Variants in ALDH1A2 observed in about 807,000 individuals in gnomAD.
ALDH1A2 encodes the protein retinal dehydrogenase 2.
ALDH1A2 carries 27 observed loss-of-function variants against 60.3 expected under a neutral mutation model. The observed-to-expected ratio is 0.45, with a 90% CI of 0.33 to 0.62. The LOEUF (loss-of-function observed/expected upper bound fraction) is 0.62. Ranked by LOEUF, ALDH1A2 falls within the 20% of genes least tolerant of loss-of-function variation. The pLI is 0.02. For synonymous variants in ALDH1A2, 289 were observed against 232.4 expected (o/e 1.24, Z -2.21); for missense variants, 581 against 643.8 (o/e 0.90, Z 1.06).
At chr15:58,061,815 C>T (rs1897047013) in intron 1 of ALDH1A2, among the ~76,000 whole-genome samples, 1 of 152,052 alleles carries the variant, frequency 6.6e-6, no homozygotes, top group South Asian at 2.1e-4. Flanking sequence ...GCTAGGCAGA[C>T]CATTAGGCCC....
chr15:58,023,567 T>G (rs1025808445), intron 1 of ALDH1A2, among the ~76,000 whole-genome samples: 1 of 147,816 alleles, frequency 6.8e-6, no homozygotes, highest in Non-Finnish European at 1.5e-5. Flanking sequence ...TCTAGTCACC[T>G]ATAAAGGAAA....
rs77950535 is a variant in ALDH1A2, at chr15:58,046,377, T to C, written c.117+19157A>G. On this transcript the variant is annotated intron_variant, in intron 1 of 12. Transcript: ENST00000249750. ...GACAGGTGTAGAGTTGCTTAATTTATTCATGCTTGATGGTTGAATGTTACA... is the reference window on the plus strand; with the variant it reads ...GACAGGTGTAGAGTTGCTTAATTTACTCATGCTTGATGGTTGAATGTTACA... Among the ~76,000 whole-genome samples the C allele has an allele frequency of 6.1e-3, 924 of 152,168 alleles. 11 individuals carry two copies. Among genetic ancestry groups the C allele is most frequent in the African/African-American group, 0.021 (879 of 41,560 alleles).
intron 1 of ALDH1A2, among the ~76,000 whole-genome samples, chr15:58,064,713 T>C (rs184537180): frequency 2.2e-4 from 33 of 152,330 alleles, no homozygotes; most frequent in Admixed American, 1.9e-3. Flanking sequence ...ACAATACCCC[T>C]ACGTTTGTAA....
At chr15:58,041,910 G>T (rs80017359) in intron 1 of ALDH1A2, among the ~76,000 whole-genome samples, 2 of 151,864 alleles carry the variant, frequency 1.3e-5, no homozygotes, top group African/African-American at 2.4e-5. Flanking sequence ...GTAATGAAGT[G>T]AACTCCAACA....
At chr15:57,987,236 A>G (rs1194690108) in intron 7 of ALDH1A2, among the ~76,000 whole-genome samples, 1 of 152,128 alleles carries the variant, frequency 6.6e-6, no homozygotes, top group African/African-American at 2.4e-5. Context: ...AGAAGGCGGA[A>G]GTAGAAAGCA....
At chr15:58,044,148 G>A (rs1896584864) in intron 1 of ALDH1A2, among the ~76,000 whole-genome samples, 1 of 151,916 alleles carries the variant, frequency 6.6e-6, no homozygotes, top group Non-Finnish European at 1.5e-5. Flanking sequence ...CTATCATGAT[G>A]CTTCTTTTTT....
At chr15:58,036,663 G>C (rs545556781) in intron 1 of ALDH1A2, 2 of 151,554 alleles carry the variant, frequency 1.3e-5, no homozygotes, top group South Asian at 2.1e-4. Context: ...GCATGAAATT[G>C]TAAGTACGAC....
rs555348734 is a variant in ALDH1A2 at position 58,062,508 on chromosome 15, A to G, written c.117+3026T>C. Among the ~76,000 whole-genome samples, 3 of 152,350 alleles carry G rather than the reference A, an allele frequency of 2.0e-5. No homozygotes were observed. In the East Asian group the frequency reaches 5.8e-4, roughly 29 times the overall value. The stretch of plus-strand genomic sequence containing the variant: ...ATTCCTATAATATCAGTTATACAAA[A>G]TTATAAAAGTCAGACTAATAAAATA... On this transcript the variant is annotated intron_variant, in intron 1 of 12. Coordinates refer to ENST00000249750, the MANE Select transcript of ALDH1A2 (RefSeq NM_003888.4).
chr15:57,982,743 A>G (rs1028666372), intron 7 of ALDH1A2, among the ~76,000 whole-genome samples: 8 of 152,224 alleles, frequency 5.3e-5, no homozygotes, highest in Non-Finnish European at 2.9e-5. Context: ...AGAATAATAT[A>G]ATCTGAAGTG....
chr15:58,048,235 T>A (rs1896681920), intron 1 of ALDH1A2, among the ~76,000 whole-genome samples: 1 of 152,084 alleles, frequency 6.6e-6, no homozygotes, highest in Non-Finnish European at 1.5e-5. Context: ...AAAGTGATTG[T>A]GCCAGAGTAA....
chr15:58,053,978 C>G (rs533674655), intron 1 of ALDH1A2, among the ~76,000 whole-genome samples: 14 of 152,210 alleles, frequency 9.2e-5, no homozygotes, highest in African/African-American at 2.9e-4. Context: ...TAGTATATGT[C>G]GCCAATTCAA....
intron 4 of ALDH1A2, among the ~76,000 whole-genome samples, chr15:58,008,331 GA>G (rs1323021614): frequency 6.6e-6 from 1 of 152,044 alleles, no homozygotes; most frequent in Non-Finnish European, 1.5e-5. Context: ...GTAAAGTGGG[GA>G]AAGACTACTG....
chr15:58,053,053 C>G (rs1166646866), intron 1 of ALDH1A2, among the ~76,000 whole-genome samples: 1 of 152,084 alleles, frequency 6.6e-6, no homozygotes, highest in African/African-American at 2.4e-5. Context: ...GATGTATGGA[C>G]CACACTCTGT....
chr15:58,064,706 A>C (rs1179912341), intron 1 of ALDH1A2, among the ~76,000 whole-genome samples: 1 of 152,206 alleles, frequency 6.6e-6, no homozygotes. Flanking sequence ...TAACATTACA[A>C]TACCCCTACG....
chr15:58,037,486 C>T (rs1412884470), intron 1 of ALDH1A2, among the ~76,000 whole-genome samples: 3 of 151,546 alleles, frequency 2.0e-5, no homozygotes, highest in African/African-American at 7.3e-5. Flanking sequence ...TTAAACTATT[C>T]AATGTTGAAT....
At chr15:58,042,675 T>C (rs1365834937) in intron 1 of ALDH1A2, among the ~76,000 whole-genome samples, 2 of 151,936 alleles carry the variant, frequency 1.3e-5, no homozygotes, top group Non-Finnish European at 2.9e-5. Flanking sequence ...TTTTCTTGTC[T>C]GAATTGAAGT....
intron 7 of ALDH1A2, among the ~76,000 whole-genome samples, chr15:57,987,680 A>G (rs1894749612): frequency 6.6e-6 from 1 of 152,142 alleles, no homozygotes; most frequent in African/African-American, 2.4e-5. Flanking sequence ...CGAGATCCAG[A>G]CCATCCTGGC....
intron 1 of ALDH1A2, among the ~76,000 whole-genome samples, chr15:58,057,501 G>A (rs1595696164): frequency 6.6e-6 from 1 of 152,134 alleles, no homozygotes; most frequent in Non-Finnish European, 1.5e-5. Context: ...AGCAAATACT[G>A]CAAAACATTA....
chr15:57,997,913 T>C (rs1190322478), intron 4 of ALDH1A2, among the ~76,000 whole-genome samples: 1 of 151,966 alleles, frequency 6.6e-6, no homozygotes, highest in Non-Finnish European at 1.5e-5. Flanking sequence ...AAATAAACGC[T>C]ATTTTTGTGC....
Sources: allele counts gnomAD v4.1 joint callset (sites outside exome capture counted in the v4.1 genomes callset), GRCh38; gene constraint gnomAD v4.1.1; transcripts MANE v1.5; gene names NCBI Gene and HGNC (gene_info 2026-07-23, HGNC 2026-07-21).